SVEP1: variants seen among roughly 807,000 people sequenced by gnomAD.
SVEP1 encodes sushi, von Willebrand factor type A, EGF and pentraxin domain-containing protein 1.
In SVEP1, 164 loss-of-function variants were observed where a neutral mutation model predicts 367.3. The ratio of observed to expected loss-of-function variants is 0.45; its 90% CI spans 0.39 to 0.51. SVEP1 has a LOEUF of 0.51. Ranked by LOEUF, SVEP1 falls within the 20% of genes least tolerant of loss-of-function variation. The probability of loss-of-function intolerance (pLI) is 0.00; values close to 1 mark genes in which losing one functional copy is unlikely to be tolerated. For synonymous variants in SVEP1, 1,666 were observed against 1,611.6 expected, an observed-to-expected ratio of 1.03 and a Z score of -0.81; for missense variants, 4,117 against 4,425.3, an observed-to-expected ratio of 0.93 and a Z score of 1.98.
intron 24 of SVEP1, among the ~76,000 whole-genome samples, chr9:110,449,496 A>T (rs1445316099): frequency 6.6e-6 from 1 of 152,174 alleles, no homozygotes; most frequent in Non-Finnish European, 1.5e-5. Context: ...CAGCCTGGCC[A>T]ACATGGTGAA....
chr9:110,423,353 G>T (rs1046451979), intron 36 of SVEP1, among the ~76,000 whole-genome samples: 4 of 151,932 alleles, frequency 2.6e-5, no homozygotes, highest in Non-Finnish European at 5.9e-5. Flanking sequence ...AACTCAAATG[G>T]AAGGAGTGTG....
At position 110,432,442 on chromosome 9, in the gene SVEP1, G is replaced by A. The variant is rs919017390; in HGVS notation, c.5233+20C>T. ...AGAGCTAGAATAATCTCATATAGTA[G>A]TTGCCAACATTTATCTCACCAAGGC... On this transcript the variant is annotated intron_variant, in intron 31 of 47. Transcript: ENST00000374469. The A allele has an allele frequency of 1.9e-6, 3 of 1,603,670 alleles. No homozygotes were observed. In the Middle Eastern group the frequency reaches 5.0e-4, roughly 268 times the overall value.
chr9:110,520,926 T>C (rs544450895), intron 3 of SVEP1, among the ~76,000 whole-genome samples: 1 of 152,316 alleles, frequency 6.6e-6, no homozygotes, highest in South Asian at 2.1e-4. Flanking sequence ...TGAATAATAA[T>C]GGCATCCCCT....
chr9:110,396,208 T>A (rs1198117415), intron 40 of SVEP1, among the ~76,000 whole-genome samples: 1 of 151,534 alleles, frequency 6.6e-6, no homozygotes, highest in East Asian at 1.9e-4. Context: ...TCAAAACCGC[T>A]CAACTACATG....
chr9:110,496,939 T>C lies in SVEP1; in HGVS notation c.1682-6A>G, dbSNP rs1426012901. ...GATTTGAGGAGCCTCCACGTCTAACTCAGAAAAATACACAAGTAGATTAAT... is the reference window on the plus strand; with the variant it reads ...GATTTGAGGAGCCTCCACGTCTAACCCAGAAAAATACACAAGTAGATTAAT... On this transcript the variant is annotated splice_polypyrimidine_tract_variant and splice_region_variant and intron_variant, in intron 7 of 47. Transcript: ENST00000374469. 3 of 1,523,772 alleles carry C rather than the reference T, an allele frequency of 2.0e-6. No individual in the cohort carries two copies. Among genetic ancestry groups the C allele is most frequent in the South Asian group, 1.2e-5 (1 of 82,246 alleles). 94.4% of individuals were successfully genotyped at this position (1,523,772 alleles called of 1,614,324 possible).
At chr9:110,487,022 T>A (rs1444540916) in intron 9 of SVEP1, among the ~76,000 whole-genome samples, 19 of 152,180 alleles carry the variant, frequency 1.2e-4, no homozygotes, top group African/African-American at 4.6e-4. Context: ...AATGGTGCGA[T>A]CTCAGCTCAC....
intron 3 of SVEP1, among the ~76,000 whole-genome samples, chr9:110,524,826 C>T (rs538561793): frequency 6.6e-6 from 1 of 151,808 alleles, no homozygotes; most frequent in Non-Finnish European, 1.5e-5. Flanking sequence ...ACCCTCTTAC[C>T]TTCGCTGCCC....
chr9:110,406,613 C>T lies in SVEP1; in HGVS notation c.8987G>A (p.Ser2996Asn). Reference sequence around the variant, plus strand: ...AGGCAGGCAGGAAGGTGAGCTGCCACTCCAGGAGCCATTGGAGAGGCACCT... The same window carrying T: ...AGGCAGGCAGGAAGGTGAGCTGCCATTCCAGGAGCCATTGGAGAGGCACCT... The part of the protein sequence containing the change: ...SRRCLSNGSW[S>N]GSSPSCLPCR... Residue 2996 changes from serine (S) to asparagine (N), a missense_variant, in exon 38 of 48, where the codon AGT becomes AAT. By Grantham distance (46) the Ser-to-Asn change is conservative (BLOSUM62 1). Transcript: ENST00000374469. The T allele has an allele frequency of 6.2e-7, 1 of 1,613,918 alleles. No individual in the cohort carries two copies. Among genetic ancestry groups the T allele is most frequent in the Non-Finnish European group, 8.5e-7 (1 of 1,179,888 alleles).
intron 16 of SVEP1, among the ~76,000 whole-genome samples, chr9:110,469,972 C>T (rs971536799): frequency 4.6e-5 from 7 of 152,158 alleles, no homozygotes; most frequent in African/African-American, 1.7e-4. Context: ...AAAAACCCAA[C>T]GGAGCTCTTG....
rs999795960 is a variant in SVEP1, at chr9:110,375,362, G to A, written c.10600+6C>T. The A allele has an allele frequency of 6.5e-7, 1 of 1,542,498 alleles. No homozygotes were observed. Among genetic ancestry groups the A allele is most frequent in the Non-Finnish European group, 8.7e-7 (1 of 1,143,098 alleles). Reference sequence around the variant, plus strand: ...ACCAAGAAAACAAACCATGAAAGAGGCCTACCTGTATGACAGCGAGACCCC... The same window carrying A: ...ACCAAGAAAACAAACCATGAAAGAGACCTACCTGTATGACAGCGAGACCCC... On this transcript the variant is annotated splice_donor_region_variant and intron_variant, in intron 46 of 47. Coordinates refer to ENST00000374469, the MANE Select transcript of SVEP1 (RefSeq NM_153366.4).
chr9:110,539,145 T>C (rs1480742050), intron 3 of SVEP1, among the ~76,000 whole-genome samples: 3 of 152,034 alleles, frequency 2.0e-5, no homozygotes, highest in East Asian at 3.9e-4. Context: ...ACTTACTTAC[T>C]ATAGGCTCTG....
At position 110,408,696 on chromosome 9, in the gene SVEP1, A is replaced by G. The variant is rs1295473908; in HGVS notation, c.6904T>C (p.Trp2302Arg). 1.2e-6 allele frequency: 2 copies of G among 1,614,018 alleles called. No individual in the cohort carries two copies. The highest frequency in any genetic ancestry group is 3.3e-5 in the Admixed American group (2 of 60,026). The change falls in exon 38 of 48, where the codon TGG becomes CGG. Residue 2302 changes from tryptophan (W) to arginine (R), a missense_variant. Physicochemically the swap from Trp to Arg is moderately radical, Grantham distance 101. This residue lies in a region of SVEP1 where 1,765 missense variants were observed against 1,781.1 expected (regional missense o/e 0.99). Coordinates refer to ENST00000374469, the MANE Select transcript of SVEP1 (RefSeq NM_153366.4). Reference protein sequence around the residue: ...EGYELVGDSSWTCQKSGKWNK... With the variant: ...EGYELVGDSSRTCQKSGKWNK... ...CATTTGCCAGATTTCTGACATGTCCAAGAACTGTCACCAACAAGCTCATAA... is the reference window on the plus strand; with the variant it reads ...CATTTGCCAGATTTCTGACATGTCCGAGAACTGTCACCAACAAGCTCATAA...
chr9:110,380,148 A>G (rs1011641157), intron 43 of SVEP1, among the ~76,000 whole-genome samples: 40 of 152,302 alleles, frequency 2.6e-4, no homozygotes, highest in African/African-American at 8.2e-4. Context: ...ATTGGATGAC[A>G]ATCCTCTCTT....
At chr9:110,442,325 T>C (rs1456695300) in intron 27 of SVEP1, among the ~76,000 whole-genome samples, 1 of 152,238 alleles carries the variant, frequency 6.6e-6, no homozygotes, top group Non-Finnish European at 1.5e-5. Context: ...GTGCCTTGCA[T>C]AGGTGCCTGG....
chr9:110,456,406 A>G lies in SVEP1; in HGVS notation c.3674-703T>C, dbSNP rs145489549. 6.3e-3 allele frequency among the ~76,000 whole-genome samples: 956 copies of G among 152,274 alleles called. 9 individuals carry two copies. The highest frequency in any genetic ancestry group is 0.022 in the African/African-American group (909 of 41,554). Reference sequence around the variant, plus strand: ...CCACTCATTTACAGAATTCCCAAACAAGATCCTTTATTTCTTATGGAACGT... The same window carrying G: ...CCACTCATTTACAGAATTCCCAAACGAGATCCTTTATTTCTTATGGAACGT... On this transcript the variant is annotated intron_variant, in intron 21 of 47. Coordinates refer to ENST00000374469, the MANE Select transcript of SVEP1 (RefSeq NM_153366.4).
intron 43 of SVEP1, among the ~76,000 whole-genome samples, chr9:110,385,271 G>A (rs12346983): frequency 0.27 from 41,562 of 152,080 alleles, 6,305 homozygotes; most frequent in Middle Eastern, 0.48. Flanking sequence ...GTGAGCCACC[G>A]CACCCAGCTG....
chr9:110,535,869 G>A (rs1588097021), intron 3 of SVEP1, among the ~76,000 whole-genome samples: 1 of 152,012 alleles, frequency 6.6e-6, no homozygotes, highest in African/African-American at 2.4e-5. Flanking sequence ...TTTGGACAGC[G>A]ACTATAGGGT....
intron 38 of SVEP1, 102 bp from the exon 39 acceptor site, chr9:110,404,654 T>G: frequency 9.4e-7 from 1 of 1,061,376 alleles, no homozygotes; most frequent in Non-Finnish European, 1.4e-6. Context: ...GTAGATATTT[T>G]GTGCAACATA....
At chr9:110,466,734 C>A (rs2118656391) in intron 17 of SVEP1, among the ~76,000 whole-genome samples, 1 of 93,856 alleles carries the variant, frequency 1.1e-5, no homozygotes. Context: ...GCACTCCAGC[C>A]TGGGCGACAG....
Sources: gnomAD v4.1 joint callset for allele counts (sites outside exome capture counted in the v4.1 genomes callset) on GRCh38, gnomAD v4.1.1 for gene constraint, gnomAD v4.1.1 regional missense constraint, MANE v1.5 for transcripts, NCBI Gene and HGNC (gene_info 2026-07-23, HGNC 2026-07-21) for gene names.